PLCH1: variants seen among roughly 807,000 people sequenced by gnomAD.
The protein encoded by PLCH1 is 1-phosphatidylinositol 4,5-bisphosphate phosphodiesterase eta-1.
Under a neutral mutation model 126.7 loss-of-function variants are expected in PLCH1, and 60 were observed. That is an observed-to-expected ratio of 0.47 (90% CI 0.38 to 0.59). The LOEUF (loss-of-function observed/expected upper bound fraction) is 0.59. PLCH1 is among the 20% of genes least tolerant of loss of function. The probability of loss-of-function intolerance (pLI) is 0.00; values close to 1 mark genes in which losing one functional copy is unlikely to be tolerated. For synonymous variants in PLCH1, 719 were observed against 734.9 expected (o/e 0.98, Z 0.35); for missense variants, 1,723 against 2,040.0 (o/e 0.84, Z 2.99).
At chr3:155,457,413 C>T (rs1375796366) in intron 21 of PLCH1, 1 of 152,174 alleles carries the variant, frequency 6.6e-6, no homozygotes, top group Non-Finnish European at 1.5e-5. Flanking sequence ...AAAGATGAAA[C>T]TAAAAATTTC....
At position 155,702,115 on chromosome 3, in the gene PLCH1, A is replaced by G. The variant is rs183379094; in HGVS notation, c.79+2031T>C. Reference sequence around the variant, plus strand: ...CTTGTGTATCTTGTGTTTAGTGAAAAGGGAGCTCAGACAATACAGTAATTG... The same window carrying G: ...CTTGTGTATCTTGTGTTTAGTGAAAGGGGAGCTCAGACAATACAGTAATTG... On this transcript the variant is annotated intron_variant, in intron 2 of 22. Coordinates refer to ENST00000460012, the MANE Select transcript of PLCH1 (RefSeq NM_014996.4). Among the ~76,000 whole-genome samples, 10 of 152,274 alleles carry G rather than the reference A, an allele frequency of 6.6e-5. No individual in the cohort carries two copies. In the East Asian group the frequency reaches 1.9e-3, roughly 29 times the overall value.
intron 3 of PLCH1, among the ~76,000 whole-genome samples, chr3:155,594,573 CA>C (rs199818570): frequency 2.0e-5 from 3 of 149,754 alleles, no homozygotes; most frequent in Non-Finnish European, 3.0e-5. Flanking sequence ...ATTCCATCTC[CA>C]AAAAAAAATA....
chr3:155,686,816 G>T (rs539755553), intron 2 of PLCH1, among the ~76,000 whole-genome samples: 1 of 152,254 alleles, frequency 6.6e-6, no homozygotes, highest in South Asian at 2.1e-4. Flanking sequence ...GGTCCTTGAA[G>T]TCTTTCCCAG....
intron 21 of PLCH1, among the ~76,000 whole-genome samples, chr3:155,458,656 C>CA (rs1712593324): frequency 6.6e-6 from 1 of 152,112 alleles, no homozygotes; most frequent in East Asian, 1.9e-4. Context: ...ATGTGGACTT[C>CA]AAATAGTTAA....
intron 2 of PLCH1, chr3:155,658,139 G>A (rs544916647): frequency 4.5e-4 from 97 of 217,102 alleles, no homozygotes; most frequent in African/African-American, 2.1e-3. Context: ...GATGTGCCTC[G>A]AAAGCTGTTG....
chr3:155,458,457 A>AAGGAAGGAAGGAAG (rs1560027286), intron 21 of PLCH1, among the ~76,000 whole-genome samples: 1 of 73,480 alleles, frequency 1.4e-5, no homozygotes, highest in Non-Finnish European at 2.4e-5. Context: ...AAGGAAGGAA[A>AAGGAAGGAAGGAAG]GAAAGAAAGA....
chr3:155,583,733 T>A (rs1227031904), intron 5 of PLCH1, 91 bp from the exon 6 acceptor site: 1 of 860,554 alleles, frequency 1.2e-6, no homozygotes, highest in Non-Finnish European at 1.7e-6. Flanking sequence ...AAAGAGCTAG[T>A]ACACAAATCC....
intron 10 of PLCH1, among the ~76,000 whole-genome samples, chr3:155,531,117 C>T (rs1031167031): frequency 6.6e-6 from 1 of 152,084 alleles, no homozygotes; most frequent in Non-Finnish European, 1.5e-5. Flanking sequence ...TCCATTTACA[C>T]AGTGCAGGCA....
intron 13 of PLCH1, among the ~76,000 whole-genome samples, chr3:155,501,406 G>C (rs1009347919): frequency 6.6e-6 from 1 of 152,158 alleles, no homozygotes; most frequent in Non-Finnish European, 1.5e-5. Context: ...GGACAGATCA[G>C]CTGTTTCACA....
chr3:155,555,577 G>T (rs1279202365), intron 8 of PLCH1, among the ~76,000 whole-genome samples: 1 of 152,152 alleles, frequency 6.6e-6, no homozygotes, highest in Non-Finnish European at 1.5e-5. Flanking sequence ...ATTGTTAAAA[G>T]GACAATGTTG....
rs55712257 is a variant in PLCH1 at position 155,528,229 on chromosome 3, CA to C, written c.1363-4226del. ...ACAGAGCGAGACTCCGTCTCCCCACCAAAAAAAAAAAAAAAAAAAAGTTGGG... is the reference window on the plus strand; with the variant it reads ...ACAGAGCGAGACTCCGTCTCCCCACCAAAAAAAAAAAAAAAAAAAGTTGGG... On this transcript the variant is annotated intron_variant, in intron 10 of 22. Transcript: ENST00000460012. 7.5e-3 allele frequency among the ~76,000 whole-genome samples: 927 copies of C among 124,260 alleles called. 4 individuals are homozygous for C. Among genetic ancestry groups the C allele is most frequent in the African/African-American group, 0.02 (646 of 32,634 alleles). The allele number at this position is 124,260 out of a possible 152,430, so 81.5% of individuals were successfully genotyped here. A position where few individuals can be genotyped will look rare whatever the true frequency, so the allele number is the denominator to read the frequency against.
Position 155,604,331 on chromosome 3 carries a change from C to T in PLCH1, c.80-7953G>A, listed in dbSNP as rs145112746. Among the ~76,000 whole-genome samples the T allele has an allele frequency of 7.2e-3, 1,089 of 152,250 alleles. 7 individuals carry two copies. Among genetic ancestry groups the T allele is most frequent in the South Asian group, 0.021 (100 of 4,832 alleles). On this transcript the variant is annotated intron_variant, in intron 2 of 22. Coordinates refer to ENST00000460012, the MANE Select transcript of PLCH1 (RefSeq NM_014996.4). ...ACAACCATGGAGTGATTCACTCTTA[C>T]TAAGTCATGATTCTTCCCAGTAAAG...
intron 2 of PLCH1, among the ~76,000 whole-genome samples, chr3:155,693,184 T>TAAAACACATTATTGAGATTATA (rs147636896): frequency 6.2e-5 from 6 of 96,016 alleles, no homozygotes; most frequent in Admixed American, 1.9e-4. Flanking sequence ...AGCACAGACT[T>TAAAACACATTATTGAGATTATA]GCCGGGCGCG....
At chr3:155,640,555 C>T (rs892059686) in intron 2 of PLCH1, among the ~76,000 whole-genome samples, 3 of 152,106 alleles carry the variant, frequency 2.0e-5, no homozygotes, top group African/African-American at 7.2e-5. Flanking sequence ...TTTTGTGGTC[C>T]TTTAACAGCC....
intron 7 of PLCH1, among the ~76,000 whole-genome samples, chr3:155,566,230 CATATAT>C (rs545057452): frequency 8.2e-6 from 1 of 122,072 alleles, no homozygotes; most frequent in East Asian, 2.2e-4. Context: ...TATATATACA[CATATAT>C]ATACATATAT....
intron 2 of PLCH1, among the ~76,000 whole-genome samples, chr3:155,667,073 C>CCA (rs1254564590): frequency 6.6e-6 from 1 of 152,144 alleles, no homozygotes; most frequent in Non-Finnish European, 1.5e-5. Context: ...CCTCACAACT[C>CCA]TTTGAAGTGC....
At chr3:155,649,136 C>T (rs75055652) in intron 2 of PLCH1, among the ~76,000 whole-genome samples, 4,589 of 152,144 alleles carry the variant, frequency 0.03, 207 homozygotes, top group African/African-American at 0.092. Context: ...ATTCGAGAAA[C>T]CCAGGCACAC....
At chr3:155,681,067 A>G (rs1744490473) in intron 2 of PLCH1, among the ~76,000 whole-genome samples, 1 of 152,184 alleles carries the variant, frequency 6.6e-6, no homozygotes, top group South Asian at 2.1e-4. Flanking sequence ...AAACATATGA[A>G]AAAAATGTTA....
intron 2 of PLCH1, among the ~76,000 whole-genome samples, chr3:155,679,526 T>G (rs1744347540): frequency 1.3e-5 from 2 of 152,170 alleles, no homozygotes; most frequent in Admixed American, 1.3e-4. Flanking sequence ...TGATATAACT[T>G]CATTTAACCA....
Sources: allele counts gnomAD v4.1 joint callset (sites outside exome capture counted in the v4.1 genomes callset), GRCh38; gene constraint gnomAD v4.1.1; transcripts MANE v1.5; gene names NCBI Gene and HGNC (gene_info 2026-07-23, HGNC 2026-07-21).